Variants in KIAA0825 observed in about 807,000 individuals in gnomAD.
The protein encoded by KIAA0825 is KIAA0825.
In KIAA0825, 119 loss-of-function variants were observed where a neutral mutation model predicts 147.6. That is an observed-to-expected ratio of 0.81 (90% CI 0.69 to 0.94). The LOEUF is 0.94. KIAA0825 is among the 40% of genes least tolerant of loss of function. The probability of loss-of-function intolerance (pLI) is 0.00; values close to 1 mark genes in which losing one functional copy is unlikely to be tolerated. For synonymous variants in KIAA0825, 470 were observed against 518.1 expected (o/e 0.91, Z 1.26); for missense variants, 1,381 against 1,472.7 (o/e 0.94, Z 1.02).
At chr5:94,484,692 G>T in intron 6 of KIAA0825, 77 bp downstream of exon 6, 1 of 967,530 alleles carries the variant, frequency 1.0e-6, no homozygotes, top group Non-Finnish European at 1.4e-6. Flanking sequence ...TCAAGTAATC[G>T]TTTTCATTCA....
chr5:94,412,618 C>T (rs1206236209), intron 15 of KIAA0825, among the ~76,000 whole-genome samples: 1 of 152,006 alleles, frequency 6.6e-6, no homozygotes, highest in Non-Finnish European at 1.5e-5. Context: ...CCAGGATGGT[C>T]TCGATCTCCT....
chr5:94,555,128 T>TA (rs1370506197), intron 2 of KIAA0825, among the ~76,000 whole-genome samples: 1 of 152,132 alleles, frequency 6.6e-6, no homozygotes, highest in African/African-American at 2.4e-5. Flanking sequence ...TCGACTTTTT[T>TA]AAAGGCCAGA....
At chr5:94,592,495 A>G (rs886275066) in intron 1 of KIAA0825, among the ~76,000 whole-genome samples, 1 of 152,158 alleles carries the variant, frequency 6.6e-6, no homozygotes, top group African/African-American at 2.4e-5. Flanking sequence ...GACTCCTGGG[A>G]TATGAGGGTT....
At chr5:94,553,745 A>T (rs558377234) in intron 2 of KIAA0825, among the ~76,000 whole-genome samples, 4 of 151,904 alleles carry the variant, frequency 2.6e-5, no homozygotes, top group South Asian at 4.2e-4. Context: ...CTTCCTGAGC[A>T]ACAAGAAGGA....
At chr5:94,347,389 A>G (rs1388631235) in intron 20 of KIAA0825, among the ~76,000 whole-genome samples, 1 of 152,098 alleles carries the variant, frequency 6.6e-6, no homozygotes, top group African/African-American at 2.4e-5. Flanking sequence ...AAAAACCCTC[A>G]CGGAGTTCAT....
intron 20 of KIAA0825, among the ~76,000 whole-genome samples, chr5:94,160,996 T>TA (rs780901073): frequency 2.0e-5 from 3 of 152,180 alleles, no homozygotes; most frequent in Non-Finnish European, 4.4e-5. Flanking sequence ...AAGCCCCACA[T>TA]ATCCAATTGT....
At chr5:94,437,870 A>C (rs979591640) in intron 14 of KIAA0825, among the ~76,000 whole-genome samples, 1 of 152,184 alleles carries the variant, frequency 6.6e-6, no homozygotes, top group Non-Finnish European at 1.5e-5. Flanking sequence ...TTAGACTATA[A>C]AGTTTAAGTG....
chr5:94,422,575 G>C (rs778796134), intron 14 of KIAA0825, among the ~76,000 whole-genome samples: 1 of 152,118 alleles, frequency 6.6e-6, no homozygotes, highest in Non-Finnish European at 1.5e-5. Context: ...CTTGCAATGG[G>C]TGAGGAAAGG....
chr5:94,452,016 G>C (rs147335564), intron 13 of KIAA0825, among the ~76,000 whole-genome samples: 30 of 152,312 alleles, frequency 2.0e-4, no homozygotes, highest in African/African-American at 7.0e-4. Flanking sequence ...CAAGATGACA[G>C]AGCATTGAGA....
chr5:94,367,322 C>T (rs1035139732), intron 20 of KIAA0825, among the ~76,000 whole-genome samples: 3 of 152,006 alleles, frequency 2.0e-5, no homozygotes, highest in Admixed American at 6.6e-5. Flanking sequence ...CATGATGAAA[C>T]CCCATCTCTA....
intron 20 of KIAA0825, among the ~76,000 whole-genome samples, chr5:94,251,011 C>T (rs1469490572): frequency 6.6e-6 from 1 of 152,090 alleles, no homozygotes; most frequent in Non-Finnish European, 1.5e-5. Flanking sequence ...CAATGGGGCA[C>T]CACAACCTTT....
At chr5:94,591,301 T>C (rs770512123) in intron 1 of KIAA0825, among the ~76,000 whole-genome samples, 49 of 152,328 alleles carry the variant, frequency 3.2e-4, no homozygotes, top group Admixed American at 6.5e-4. Context: ...CACAATCAAT[T>C]GAAGGTTTGC....
intron 1 of KIAA0825, among the ~76,000 whole-genome samples, chr5:94,605,349 G>C (rs1359279596): frequency 6.6e-6 from 1 of 152,092 alleles, no homozygotes; most frequent in African/African-American, 2.4e-5. Flanking sequence ...AACAAGAGCT[G>C]GTATCACTTC....
intron 20 of KIAA0825, among the ~76,000 whole-genome samples, chr5:94,199,750 A>T (rs975048430): frequency 1.3e-5 from 2 of 151,968 alleles, no homozygotes; most frequent in African/African-American, 2.4e-5. Flanking sequence ...CAGTTGGGGG[A>T]TGCTGCAGGC....
At chr5:94,449,819 C>T (rs1258102113) in intron 13 of KIAA0825, among the ~76,000 whole-genome samples, 2 of 152,168 alleles carry the variant, frequency 1.3e-5, no homozygotes, top group Admixed American at 1.3e-4. Context: ...TGGGTCATGC[C>T]TGCAATCCCA....
intron 18 of KIAA0825, among the ~76,000 whole-genome samples, chr5:94,389,608 C>A (rs1447779132): frequency 6.6e-6 from 1 of 152,210 alleles, no homozygotes; most frequent in Non-Finnish European, 1.5e-5. Flanking sequence ...ATAAATGCTT[C>A]ACTATTTACA....
In KIAA0825 at chr5:94,425,177, CA is replaced by C. The variant is rs542009143; in HGVS notation, c.2498-7813del. On this transcript the variant is annotated intron_variant, in intron 14 of 20. Coordinates refer to ENST00000682413, the MANE Select transcript of KIAA0825 (RefSeq NM_001145678.3). ...ATACCAAAACCAGAGAGGAACACAA[CA>C]AAAAAAGAAAACTACAGACCAATAT... 2.6e-3 allele frequency among the ~76,000 whole-genome samples: 390 copies of C among 151,988 alleles called. 2 individuals are homozygous for C. Among genetic ancestry groups the C allele is most frequent in the Non-Finnish European group, 4.3e-3 (289 of 67,948 alleles).
chr5:94,451,578 G>A (rs950109353), intron 13 of KIAA0825, among the ~76,000 whole-genome samples: 4 of 152,144 alleles, frequency 2.6e-5, no homozygotes, highest in African/African-American at 9.7e-5. Context: ...AGAACAGAAA[G>A]AAAAGAAATG....
chr5:94,318,977 C>G (rs1779914453), intron 20 of KIAA0825, among the ~76,000 whole-genome samples: 1 of 151,804 alleles, frequency 6.6e-6, no homozygotes, highest in Non-Finnish European at 1.5e-5. Flanking sequence ...AAGTGAGAAG[C>G]ACCATGAGAA....
Sources: allele counts gnomAD v4.1 joint callset (sites outside exome capture counted in the v4.1 genomes callset), GRCh38; gene constraint gnomAD v4.1.1; transcripts MANE v1.5; gene names NCBI Gene and HGNC (gene_info 2026-07-23, HGNC 2026-07-21).